LARGE1: variants seen among roughly 807,000 people sequenced by gnomAD.
LARGE1 encodes LARGE xylosyl- and glucuronyltransferase 1, also known as xylosyl- and glucuronyltransferase LARGE1.
Under a neutral mutation model 87.6 loss-of-function variants are expected in LARGE1, and 43 were observed. The observed-to-expected ratio is 0.49, with a 90% CI of 0.38 to 0.63. LARGE1 has a LOEUF of 0.63. LARGE1 is among the 30% of genes least tolerant of loss of function. The probability of loss-of-function intolerance (pLI) is 0.00; values close to 1 mark genes in which losing one functional copy is unlikely to be tolerated. For missense variants in LARGE1, 802 were observed against 1,000.2 expected, an observed-to-expected ratio of 0.80 and a Z score of 2.67; for synonymous variants, 434 against 394.6, an observed-to-expected ratio of 1.10 and a Z score of -1.18.
At chr22:33,775,913 C>T (rs1162316457) in intron 1 of LARGE1, among the ~76,000 whole-genome samples, 1 of 150,530 alleles carries the variant, frequency 6.6e-6, no homozygotes, top group African/African-American at 2.4e-5. Context: ...GGGTCAAGGT[C>T]AGGAATGCTA....
chr22:33,791,256 G>A (rs373791402), intron 1 of LARGE1, among the ~76,000 whole-genome samples: 15 of 152,270 alleles, frequency 9.9e-5, no homozygotes, highest in South Asian at 4.1e-4. Context: ...GCATGTCTGC[G>A]TAGTATCCTT....
At chr22:33,418,356 C>A (rs1241771864) in intron 7 of LARGE1, among the ~76,000 whole-genome samples, 1 of 152,112 alleles carries the variant, frequency 6.6e-6, no homozygotes, top group South Asian at 2.1e-4. Flanking sequence ...GTCTCTTTTG[C>A]CATGGGACAT....
chr22:33,612,657 A>C (rs1417060132), intron 4 of LARGE1, among the ~76,000 whole-genome samples: 2 of 152,230 alleles, frequency 1.3e-5, no homozygotes, highest in African/African-American at 2.4e-5. Flanking sequence ...ACTTAATGCC[A>C]GAAATAGGGA....
intron 7 of LARGE1, among the ~76,000 whole-genome samples, chr22:33,409,209 C>A (rs546215405): frequency 6.6e-6 from 1 of 152,056 alleles, no homozygotes; most frequent in Non-Finnish European, 1.5e-5. Flanking sequence ...AAAGGAGATG[C>A]GGCAGGCAAG....
chr22:33,232,676 C>T (rs1926065777), intron 11 of LARGE1, among the ~76,000 whole-genome samples: 1 of 152,156 alleles, frequency 6.6e-6, no homozygotes, highest in African/African-American at 2.4e-5. Flanking sequence ...AAATGATGGT[C>T]TCACTGGAGT....
At chr22:33,341,856 G>C (rs556638426) in intron 9 of LARGE1, among the ~76,000 whole-genome samples, 150 of 152,324 alleles carry the variant, frequency 9.8e-4, no homozygotes, top group African/African-American at 3.6e-3. Flanking sequence ...TTCCATGTTA[G>C]AGTGGTTCCA....
chr22:33,146,486 T>C, the LARGE1 span, among the ~76,000 whole-genome samples: 1 of 152,156 alleles, frequency 6.6e-6, no homozygotes, highest in African/African-American at 2.4e-5. Context: ...TCAGGGTTCA[T>C]ATTTAAAAGG....
chr22:33,332,493 GA>G (rs1408819708), intron 10 of LARGE1, among the ~76,000 whole-genome samples: 2 of 152,164 alleles, frequency 1.3e-5, no homozygotes, highest in African/African-American at 4.8e-5. Flanking sequence ...TACAGTGGAT[GA>G]AAGGAGTCTT....
At chr22:33,291,790 G>A (rs1205526221) in intron 12 of LARGE1, among the ~76,000 whole-genome samples, 6 of 151,694 alleles carry the variant, frequency 4.0e-5, no homozygotes, top group Admixed American at 1.3e-4. Flanking sequence ...GCAGGATGCA[G>A]TGTTCAAAGA....
intron 6 of LARGE1, among the ~76,000 whole-genome samples, chr22:33,468,914 A>ACACC (rs2068721313): frequency 1.3e-5 from 2 of 152,200 alleles, no homozygotes; most frequent in Non-Finnish European, 2.9e-5. Flanking sequence ...TCACCAACTT[A>ACACC]TACCATTGCC....
intron 2 of LARGE1, among the ~76,000 whole-genome samples, chr22:33,712,027 G>A (rs750658950): frequency 7.9e-5 from 12 of 152,128 alleles, no homozygotes; most frequent in Non-Finnish European, 1.5e-4. Context: ...AAGAGCTAAC[G>A]TGTGCTGCAT....
At chr22:33,619,980 C>A (rs2079696817) in intron 4 of LARGE1, among the ~76,000 whole-genome samples, 1 of 151,986 alleles carries the variant, frequency 6.6e-6, no homozygotes, top group Non-Finnish European at 1.5e-5. Context: ...TAGGGTCACC[C>A]AGCTCAGGCC....
At chr22:33,742,205 T>C (rs1233651044) in intron 2 of LARGE1, among the ~76,000 whole-genome samples, 3 of 152,142 alleles carry the variant, frequency 2.0e-5, no homozygotes, top group Non-Finnish European at 2.9e-5. Flanking sequence ...AACCTCTGTA[T>C]ACTTCAGTTT....
rs541995343 is a variant in LARGE1 at position 33,797,941 on chromosome 22, C to T, written c.-82-36383G>A. On this transcript the variant is annotated intron_variant, in intron 1 of 14. Coordinates refer to ENST00000397394, the MANE Select transcript of LARGE1 (RefSeq NM_133642.5). ...ATGCACAGAGGTGTTGCATGAATTA[C>T]GTAAAGCAATAAATGCTATCGTACC... Among the ~76,000 whole-genome samples the T allele has an allele frequency of 1.2e-4, 18 of 152,288 alleles. No homozygotes were observed. The South Asian group carries it at 3.1e-3, about 26-fold the overall frequency.
At chr22:33,089,376 TTC>T in the LARGE1 span, among the ~76,000 whole-genome samples, 1 of 133,624 alleles carries the variant, frequency 7.5e-6, no homozygotes, top group Non-Finnish European at 1.6e-5. Context: ...CTTCTCCTTC[TTC>T]TTCTTCTTCC....
the LARGE1 span, among the ~76,000 whole-genome samples, chr22:33,144,011 TTTTG>T: frequency 6.6e-6 from 1 of 152,200 alleles, no homozygotes; most frequent in East Asian, 1.9e-4. Flanking sequence ...CCCAGATGTA[TTTTG>T]TTTGACTATC....
chr22:33,818,289 T>C (rs1057014102), intron 1 of LARGE1, among the ~76,000 whole-genome samples: 18 of 152,190 alleles, frequency 1.2e-4, no homozygotes, highest in African/African-American at 4.3e-4. Flanking sequence ...TGCTTATAGT[T>C]TGTTTGTAGT....
At chr22:33,671,565 A>G (rs2081413728) in intron 2 of LARGE1, among the ~76,000 whole-genome samples, 1 of 152,332 alleles carries the variant, frequency 6.6e-6, no homozygotes, top group East Asian at 1.9e-4. Flanking sequence ...CTTATGCTAG[A>G]TAGAGCTAGA....
chr22:33,122,524 A>G, the LARGE1 span, among the ~76,000 whole-genome samples: 1 of 151,800 alleles, frequency 6.6e-6, no homozygotes, highest in African/African-American at 2.4e-5. Flanking sequence ...ATGCCCAGAT[A>G]ATTATTGTGT....
Sources: allele counts gnomAD v4.1 joint callset (sites outside exome capture counted in the v4.1 genomes callset), GRCh38; gene constraint gnomAD v4.1.1; transcripts MANE v1.5; gene names NCBI Gene and HGNC (gene_info 2026-07-23, HGNC 2026-07-21).